The following PRMT1 variants were observed in gnomAD, a reference collection of about 807,000 sequenced individuals.
PRMT1 encodes the protein protein arginine N-methyltransferase 1.
A neutral mutation model predicts 47.4 loss-of-function variants in PRMT1; 5 were observed. That is an observed-to-expected ratio of 0.11 (90% CI 0.06 to 0.22). The LOEUF is 0.22. Among genes scored for constraint, PRMT1 ranks in the 10% least tolerant of loss-of-function variants. PRMT1 has a pLI of 1.00. For synonymous variants in PRMT1, 227 were observed against 204.6 expected (o/e 1.11, Z -0.94); for missense variants, 249 against 518.4 (o/e 0.48, Z 5.05).
rs1045715568 is a variant in PRMT1, at chr19:49,684,355, C to T, written c.555+286C>T. On this transcript the variant is annotated intron_variant, in intron 6 of 10. Transcript: ENST00000454376. The surrounding 1 kb of genome is among the most constrained non-coding windows in gnomAD (Gnocchi z 6.2). ...GTGACGGAGAGGTGGATGAAGCATA[C>T]GGAGGGGCAGCCAGGGCAGGTGTGC... Among the ~76,000 whole-genome samples, 7 of 151,994 alleles carry T rather than the reference C, an allele frequency of 4.6e-5. No homozygotes were observed. The highest frequency in any genetic ancestry group is 4.1e-4 in the South Asian group (2 of 4,832).
chr19:49,683,654 C>G, intron 5 of PRMT1: 2 of 345,590 alleles, frequency 5.8e-6, no homozygotes, highest in South Asian at 2.7e-5. Context: ...CGCCACTGCA[C>G]TCCAGCCTGG....
At chr19:49,678,766 CTA>C (rs1405852334) in intron 1 of PRMT1, among the ~76,000 whole-genome samples, 1 of 151,940 alleles carries the variant, frequency 6.6e-6, no homozygotes. Flanking sequence ...ACCTGGGGCT[CTA>C]TGGATGGAGG....
chr19:49,683,437 C>T (rs1394996975), intron 5 of PRMT1, among the ~76,000 whole-genome samples: 1 of 151,804 alleles, frequency 6.6e-6, no homozygotes, highest in African/African-American at 2.4e-5. Flanking sequence ...GCCTGTAATC[C>T]CAACATTTTG....
intron 10 of PRMT1, among the ~76,000 whole-genome samples, 190 bp downstream of exon 10, chr19:49,686,916 G>A (rs1357974202): frequency 1.3e-5 from 2 of 152,098 alleles, no homozygotes; most frequent in African/African-American, 4.8e-5. Context: ...TCAGCCCCAT[G>A]CCTGTCTACA....
Position 49,684,698 on chromosome 19 carries a change from A to G in PRMT1, c.556-56A>G. On this transcript the variant is annotated intron_variant, in intron 6 of 10. Coordinates refer to ENST00000454376, the MANE Select transcript of PRMT1 (RefSeq NM_001536.6). This position sits in a 1 kb window ranked among gnomAD's most constrained non-coding sequence, Gnocchi z 6.2. ...CAGGAGGCCACATCTTGGAGGCAAGACTCAGGGTAGTGTTGCCAGGCCCCA... is the reference window on the plus strand; with the variant it reads ...CAGGAGGCCACATCTTGGAGGCAAGGCTCAGGGTAGTGTTGCCAGGCCCCA... 6.6e-7 allele frequency: 1 copy of G among 1,521,484 alleles called. No individual in the cohort carries two copies. The highest frequency in any genetic ancestry group is 8.9e-7 in the Non-Finnish European group (1 of 1,123,050). The allele number at this position is 1,521,484 out of a possible 1,614,324, so 94.2% of individuals were successfully genotyped here. A position where few individuals can be genotyped will look rare whatever the true frequency, so the allele number is the denominator to read the frequency against.
At position 49,684,054 on chromosome 19, in the gene PRMT1, C is replaced by T. The variant is rs1356441804; in HGVS notation, c.540C>T (p.Ala180=). The change falls in exon 6 of 11, where the codon GCC becomes GCT. Residue 180 remains alanine, a synonymous_variant. Transcript: ENST00000454376. This position sits in a 1 kb window ranked among gnomAD's most constrained non-coding sequence, Gnocchi z 6.2. The stretch of plus-strand genomic sequence containing the variant: ...CCATGCTCAACACCGTGCTCTATGC[C>T]CGGGACAAGTGGCTGGTGAGGCCCC... ...YESMLNTVLY[A]RDKWLAPDGL... is the part of the protein sequence containing the mutation. 1.2e-6 allele frequency: 2 copies of T among 1,614,152 alleles called. No individual in the cohort carries two copies. The highest frequency in any genetic ancestry group is 1.7e-5 in the Admixed American group (1 of 60,024).
At position 49,680,401 on chromosome 19, in the gene PRMT1, CTT is replaced by C. The variant is rs977433078; in HGVS notation, c.91-85_91-84del. The C allele has an allele frequency of 3.3e-6, 4 of 1,230,578 alleles. No homozygotes were observed. The highest frequency in any genetic ancestry group is 4.8e-6 in the Non-Finnish European group (4 of 837,788). 76.2% of individuals were successfully genotyped at this position (1,230,578 alleles called of 1,614,324 possible). A position where few individuals can be genotyped will look rare whatever the true frequency, so the allele number is the denominator to read the frequency against. On this transcript the variant is annotated intron_variant, in intron 2 of 10. Coordinates refer to ENST00000454376, the MANE Select transcript of PRMT1 (RefSeq NM_001536.6). This position sits in a 1 kb window ranked among gnomAD's most constrained non-coding sequence, Gnocchi z 4.2. ...ATGATTTTGGGGGTTCTATACTACT[CTT>C]CAGGGAAAAGTAGGGCGCTGGAGGT...
In PRMT1 at chr19:49,685,948, G is replaced by A. The variant is rs933979731; in HGVS notation, c.760-145G>A. ...CGGATAGGCAGGATGCAGAGTGAAG[G>A]AGGAGCCGAGGCTGGGTGCCAGTGA... is the stretch of plus-strand genomic sequence containing the variant. On this transcript the variant is annotated intron_variant, in intron 8 of 10. Coordinates refer to ENST00000454376, the MANE Select transcript of PRMT1 (RefSeq NM_001536.6). This position sits in a 1 kb window ranked among gnomAD's most constrained non-coding sequence, Gnocchi z 4.7. The A allele has an allele frequency of 7.5e-6, 11 of 1,458,062 alleles. No individual in the cohort carries two copies. In the Admixed American group the frequency reaches 2.7e-4, roughly 35 times the overall value. The allele number at this position is 1,458,062 out of a possible 1,614,324, so 90.3% of individuals were successfully genotyped here.
At chr19:49,682,162 TG>T in intron 4 of PRMT1, 33 bp from the exon 5 acceptor site, 2 of 1,612,534 alleles carry the variant, frequency 1.2e-6, no homozygotes, top group Non-Finnish European at 1.7e-6. Context: ...GGGCAGGGGA[TG>T]GGTCTCACCC....
Position 49,680,348 on chromosome 19 carries a change from C to G in PRMT1, c.91-139C>G, listed in dbSNP as rs973196194. ...TGGGGTTCCTGGGGGGGCAAGATGG[C>G]AGGCGGGGGCTGTAGGGTTGTCATG... On this transcript the variant is annotated intron_variant, in intron 2 of 10. Transcript: ENST00000454376. The surrounding 1 kb of genome is among the most constrained non-coding windows in gnomAD (Gnocchi z 4.2). 3.7e-6 allele frequency: 4 copies of G among 1,081,476 alleles called. No individual in the cohort carries two copies. In the African/African-American group the frequency reaches 6.3e-5, roughly 17 times the overall value. 67.0% of individuals were successfully genotyped at this position (1,081,476 alleles called of 1,614,324 possible).
At chr19:49,677,482 G>A in intron 1 of PRMT1, 166 bp downstream of exon 1, 3 of 501,958 alleles carry the variant, frequency 6.0e-6, no homozygotes, top group Non-Finnish European at 9.6e-6. Context: ...TGAGGTGACG[G>A]CTCCCTAGCT....
In PRMT1 at chr19:49,679,918, T is replaced by C. The variant is rs753196680; in HGVS notation, c.83T>C (p.Leu28Pro). 3.1e-6 allele frequency: 5 copies of C among 1,612,296 alleles called. No individual in the cohort carries two copies. The highest frequency in any genetic ancestry group is 3.4e-6 in the Non-Finnish European group (4 of 1,178,810). ...LANGMSLQPP[L>P]EEVSCGQAES... The stretch of plus-strand genomic sequence containing the variant: ...AATGGGATGAGCCTCCAGCCGCCTC[T>C]TGAAGAAGTAAATATCCTTTTGTGA... The change falls in exon 2 of 11, where the codon CTT becomes CCT. Residue 28 changes from leucine to proline, a missense_variant. This residue lies in a region of PRMT1 where 59 missense variants were observed against 61.7 expected (regional missense o/e 0.96). Coordinates refer to ENST00000454376, the MANE Select transcript of PRMT1 (RefSeq NM_001536.6).
chr19:49,684,077 C>A lies in PRMT1; in HGVS notation c.555+8C>A. ...GCCCGGGACAAGTGGCTGGTGAGGCCCCAGCGGGACGGGTGCAGCTCGCGT... is the reference window on the plus strand; with the variant it reads ...GCCCGGGACAAGTGGCTGGTGAGGCACCAGCGGGACGGGTGCAGCTCGCGT... On this transcript the variant is annotated splice_region_variant and intron_variant, in intron 6 of 10. Coordinates refer to ENST00000454376, the MANE Select transcript of PRMT1 (RefSeq NM_001536.6). This position sits in a 1 kb window ranked among gnomAD's most constrained non-coding sequence, Gnocchi z 6.2. The A allele has an allele frequency of 1.2e-6, 2 of 1,613,916 alleles. No individual in the cohort carries two copies. The highest frequency in any genetic ancestry group is 1.7e-6 in the Non-Finnish European group (2 of 1,179,876).
rs201715451 is a variant in PRMT1, at chr19:49,684,848, G to C, written c.643+7G>C. ...AAAGACTACAAGATCCACTGTGAGC[G>C]CGGCCCGGGAGCTGGCGGGCGGGGC... On this transcript the variant is annotated splice_region_variant and intron_variant, in intron 7 of 10. Transcript: ENST00000454376. This position sits in a 1 kb window ranked among gnomAD's most constrained non-coding sequence, Gnocchi z 6.2. 1.2e-6 allele frequency: 2 copies of C among 1,612,186 alleles called. No homozygotes were observed. Among genetic ancestry groups the C allele is most frequent in the Non-Finnish European group, 1.7e-6 (2 of 1,178,948 alleles).
rs769871963 is a variant in PRMT1, at chr19:49,679,860, ACT to A, written c.37-6_37-5del. On this transcript the variant is annotated splice_polypyrimidine_tract_variant and intron_variant, in intron 1 of 10. Transcript: ENST00000454376. ...CAGTAGCTAATCCTTTTTCCCTGTTACTCTCTCCTAGAATTTTGTAGCCACCT... is the reference window on the plus strand; with the variant it reads ...CAGTAGCTAATCCTTTTTCCCTGTTACTCTCCTAGAATTTTGTAGCCACCT... 1.2e-6 allele frequency: 2 copies of A among 1,607,116 alleles called. No homozygotes were observed. The highest frequency in any genetic ancestry group is 1.7e-6 in the Non-Finnish European group (2 of 1,175,614).
chr19:49,687,165 A>G (rs1436011868), intron 10 of PRMT1, among the ~76,000 whole-genome samples: 1 of 152,018 alleles, frequency 6.6e-6, no homozygotes, highest in African/African-American at 2.4e-5. Flanking sequence ...GAGGCATGAG[A>G]GGAGAAAGGC....
At chr19:49,679,659 A>C in intron 1 of PRMT1, 1 of 691,222 alleles carries the variant, frequency 1.4e-6, no homozygotes, top group South Asian at 1.5e-5. Context: ...CTCCAGCCAC[A>C]GCTGGGATAG....
At position 49,684,305 on chromosome 19, in the gene PRMT1, A is replaced by G. The variant is rs894107289; in HGVS notation, c.555+236A>G. 2.0e-5 allele frequency among the ~76,000 whole-genome samples: 3 copies of G among 150,942 alleles called. No individual in the cohort carries two copies. Among genetic ancestry groups the G allele is most frequent in the Admixed American group, 2.0e-4 (3 of 15,202 alleles). On this transcript the variant is annotated intron_variant, in intron 6 of 10. Coordinates refer to ENST00000454376, the MANE Select transcript of PRMT1 (RefSeq NM_001536.6). This position sits in a 1 kb window ranked among gnomAD's most constrained non-coding sequence, Gnocchi z 6.2. ...GCAATAGCCCAGGTCCTTAGGCCCC[A>G]GCAGGCCTCCCCGGGAGAGGTGAGG...
chr19:49,680,061 T>A lies in PRMT1; in HGVS notation c.90+136T>A. On this transcript the variant is annotated intron_variant, in intron 2 of 10. Transcript: ENST00000454376. The surrounding 1 kb of genome is among the most constrained non-coding windows in gnomAD (Gnocchi z 4.2). The stretch of plus-strand genomic sequence containing the variant: ...AGTTTACCCCAGGCCCCCAGACACT[T>A]AGTAGCAACCCCTCCAGGTTCACAG... The A allele has an allele frequency of 8.9e-7, 1 of 1,126,666 alleles. No homozygotes were observed. 69.8% of individuals were successfully genotyped at this position (1,126,666 alleles called of 1,614,324 possible). A position where few individuals can be genotyped will look rare whatever the true frequency, so the allele number is the denominator to read the frequency against.
Sources: gnomAD v4.1 joint callset for allele counts (sites outside exome capture counted in the v4.1 genomes callset) on GRCh38, gnomAD v4.1.1 for gene constraint, gnomAD v4.1.1 regional missense constraint, Gnocchi (gnomAD v3.1) non-coding constraint, MANE v1.5 for transcripts, NCBI Gene and HGNC (gene_info 2026-07-23, HGNC 2026-07-21) for gene names.